MAST4: variants seen among roughly 807,000 people sequenced by gnomAD.
MAST4 encodes the protein microtubule-associated serine/threonine-protein kinase 4.
In MAST4, 89 loss-of-function variants were observed where a neutral mutation model predicts 162.7. That is an observed-to-expected ratio of 0.55 (90% CI 0.46 to 0.65). MAST4 has a LOEUF of 0.65. Among genes scored for constraint, MAST4 ranks in the 30% least tolerant of loss-of-function variants. The pLI is 0.00. For missense variants in MAST4, 3,153 were observed against 3,374.0 expected (o/e 0.93, Z 1.62); for synonymous variants, 1,479 against 1,361.1 (o/e 1.09, Z -1.91).
chr5:66,873,035 C>T (rs892319216), intron 3 of MAST4, among the ~76,000 whole-genome samples: 2 of 152,080 alleles, frequency 1.3e-5, no homozygotes, highest in Non-Finnish European at 2.9e-5. Context: ...TTTTGCTGTT[C>T]CATTTTGTTT....
At chr5:67,125,096 A>G (rs541282231) in intron 14 of MAST4, among the ~76,000 whole-genome samples, 1 of 152,336 alleles carries the variant, frequency 6.6e-6, no homozygotes, top group South Asian at 2.1e-4. Flanking sequence ...AAAAACAACT[A>G]TTGAAGGAAG....
chr5:66,958,725 A>G (rs1348052218), intron 4 of MAST4: 4 of 153,870 alleles, frequency 2.6e-5, no homozygotes, highest in African/African-American at 7.2e-5. Flanking sequence ...CTTGGGGACT[A>G]TGAGTGATTT....
rs760693980 is a variant in MAST4 at position 67,166,799 on chromosome 5, C to T, written c.7620C>T (p.Thr2540=). ...PLESHHPDPN[T]MGGASHRDRA... is the part of the protein sequence containing the mutation. Reference sequence around the variant, plus strand: ...AGTCACACCACCCCGACCCAAACACCATGGGCGGGGCCAGCCACCGGGACA... The same window carrying T: ...AGTCACACCACCCCGACCCAAACACTATGGGCGGGGCCAGCCACCGGGACA... The change falls in exon 29 of 29, where the codon ACC becomes ACT. Residue 2540 remains threonine, a synonymous_variant. Coordinates refer to ENST00000403625, the MANE Select transcript of MAST4 (RefSeq NM_001164664.2). 1.1e-5 allele frequency: 18 copies of T among 1,603,378 alleles called. No individual in the cohort carries two copies. The highest frequency in any genetic ancestry group is 1.4e-5 in the Non-Finnish European group (16 of 1,175,620).
chr5:66,633,700 G>A (rs1325022115), intron 1 of MAST4, among the ~76,000 whole-genome samples: 1 of 152,136 alleles, frequency 6.6e-6, no homozygotes, highest in Non-Finnish European at 1.5e-5. Context: ...GGCTAGGTTT[G>A]TTTGTTTTCC....
intron 10 of MAST4, among the ~76,000 whole-genome samples, chr5:67,109,533 G>A (rs72763052): frequency 0.058 from 8,762 of 151,978 alleles, 354 homozygotes; most frequent in Non-Finnish European, 0.085. Flanking sequence ...AAGCATTTTG[G>A]ATAAAGGATA....
At chr5:67,046,478 T>A (rs1757383128) in intron 4 of MAST4, among the ~76,000 whole-genome samples, 1 of 152,218 alleles carries the variant, frequency 6.6e-6, no homozygotes, top group South Asian at 2.1e-4. Flanking sequence ...TATCTGTGAA[T>A]CAGTCTTATC....
intron 1 of MAST4, among the ~76,000 whole-genome samples, chr5:66,605,787 A>G (rs1742844948): frequency 6.6e-6 from 1 of 152,196 alleles, no homozygotes. Context: ...ACAAGGGATT[A>G]AAGGGAAATT....
At chr5:66,701,678 G>A (rs1017739591) in intron 1 of MAST4, among the ~76,000 whole-genome samples, 13 of 152,142 alleles carry the variant, frequency 8.5e-5, no homozygotes, top group South Asian at 2.1e-4. Context: ...GGAAAAAGTC[G>A]TGCATTTGAA....
At chr5:66,872,484 A>G (rs1442138245) in intron 3 of MAST4, among the ~76,000 whole-genome samples, 1 of 152,118 alleles carries the variant, frequency 6.6e-6, no homozygotes, top group Non-Finnish European at 1.5e-5. Context: ...TATAATTTTA[A>G]TCCATAAATA....
At chr5:66,616,429 G>T (rs1297668622) in intron 1 of MAST4, among the ~76,000 whole-genome samples, 1 of 152,216 alleles carries the variant, frequency 6.6e-6, no homozygotes, top group East Asian at 1.9e-4. Context: ...TAGCTGGCCA[G>T]TTGTCACCCA....
At chr5:67,065,200 G>A (rs1760083022) in intron 5 of MAST4, among the ~76,000 whole-genome samples, 1 of 152,036 alleles carries the variant, frequency 6.6e-6, no homozygotes, top group African/African-American at 2.4e-5. Context: ...GATATGATCA[G>A]TGACCACCTA....
intron 4 of MAST4, among the ~76,000 whole-genome samples, chr5:67,010,648 C>T (rs895941517): frequency 9.2e-5 from 14 of 152,024 alleles, no homozygotes; most frequent in Non-Finnish European, 1.5e-4. Flanking sequence ...AGAAATGCAG[C>T]GAGGTACAGG....
chr5:67,094,666 C>G (rs1273904151), intron 6 of MAST4, among the ~76,000 whole-genome samples: 1 of 152,098 alleles, frequency 6.6e-6, no homozygotes, highest in African/African-American at 2.4e-5. Context: ...CCAGAGATTT[C>G]AGAAAATTTG....
chr5:67,037,875 T>C (rs1050306089), intron 4 of MAST4, among the ~76,000 whole-genome samples: 11 of 151,856 alleles, frequency 7.2e-5, no homozygotes, highest in African/African-American at 2.7e-4. Context: ...CAGGGATTTT[T>C]TTTTCTTTTT....
intron 4 of MAST4, among the ~76,000 whole-genome samples, chr5:67,039,656 C>A (rs1379581347): frequency 6.6e-6 from 1 of 152,166 alleles, no homozygotes; most frequent in African/African-American, 2.4e-5. Context: ...CTGAAAGTGA[C>A]TGAAACCACA....
chr5:67,155,047 G>GTC (rs1273659261), intron 26 of MAST4, among the ~76,000 whole-genome samples: 1 of 152,206 alleles, frequency 6.6e-6, no homozygotes, highest in Non-Finnish European at 1.5e-5. Context: ...CTTAGAGAAA[G>GTC]GTGGAGAAGT....
At chr5:66,882,688 T>G (rs1334715498) in intron 3 of MAST4, among the ~76,000 whole-genome samples, 1 of 152,224 alleles carries the variant, frequency 6.6e-6, no homozygotes, top group Non-Finnish European at 1.5e-5. Context: ...TTAGTCTGTC[T>G]GATAACACCA....
intron 6 of MAST4, chr5:67,093,585 T>G (rs991830982): frequency 1.3e-5 from 6 of 456,810 alleles, no homozygotes; most frequent in Non-Finnish European, 2.7e-5. Context: ...TACAGAGTAC[T>G]GAGCACATTC....
At chr5:67,112,580 C>CT (rs1289464763) in intron 11 of MAST4, among the ~76,000 whole-genome samples, 68 of 152,182 alleles carry the variant, frequency 4.5e-4, no homozygotes, top group African/African-American at 2.6e-4. Context: ...TCACAGAACT[C>CT]AGGGAAACAC....
Sources: gnomAD v4.1 joint callset for allele counts (sites outside exome capture counted in the v4.1 genomes callset) on GRCh38, gnomAD v4.1.1 for gene constraint, MANE v1.5 for transcripts, NCBI Gene and HGNC (gene_info 2026-07-23, HGNC 2026-07-21) for gene names.